The following ANO10 variants were observed in gnomAD, a reference collection of about 807,000 sequenced individuals.
ANO10 encodes the protein anoctamin 10, also known as anoctamin-10.
A neutral mutation model predicts 74.7 loss-of-function variants in ANO10; 77 were observed. That is an observed-to-expected ratio of 1.03 (90% CI 0.86 to 1.25). ANO10 has a LOEUF of 1.25. Ranked by LOEUF, ANO10 falls within the 50% of genes most tolerant of loss-of-function variation. The pLI, the probability that ANO10 is intolerant of heterozygous loss-of-function variation, is 0.00. For synonymous variants in ANO10, 279 were observed against 284.9 expected, an observed-to-expected ratio of 0.98 and a Z score of 0.21; for missense variants, 721 against 778.1, an observed-to-expected ratio of 0.93 and a Z score of 0.87.
intron 12 of ANO10, among the ~76,000 whole-genome samples, chr3:43,400,090 T>C (rs572270896): frequency 1.3e-5 from 2 of 152,352 alleles, no homozygotes; most frequent in South Asian, 4.1e-4. Flanking sequence ...CTGCTTTCTA[T>C]GTTACAAAAA....
At chr3:43,573,861 G>A (rs2080864384) in intron 7 of ANO10, among the ~76,000 whole-genome samples, 1 of 152,138 alleles carries the variant, frequency 6.6e-6, no homozygotes, top group Non-Finnish European at 1.5e-5. Context: ...TGTGGTGACA[G>A]GAAGGATTGC....
chr3:43,613,669 A>G (rs2082943870), intron 1 of ANO10, among the ~76,000 whole-genome samples: 1 of 152,196 alleles, frequency 6.6e-6, no homozygotes, highest in Non-Finnish European at 1.5e-5. Flanking sequence ...GAAATTTTTC[A>G]TAATAAAAAG....
At chr3:43,540,507 C>T (rs910807773) in intron 11 of ANO10, among the ~76,000 whole-genome samples, 9 of 152,204 alleles carry the variant, frequency 5.9e-5, no homozygotes, top group African/African-American at 2.2e-4. Flanking sequence ...TGAAGTCTTT[C>T]CAAAGGTTTT....
chr3:43,386,854 T>C (rs1467568523), intron 12 of ANO10, among the ~76,000 whole-genome samples: 1 of 151,700 alleles, frequency 6.6e-6, no homozygotes, highest in Non-Finnish European at 1.5e-5. Flanking sequence ...CGCCTATGAG[T>C]AAGGGTGGGG....
intron 11 of ANO10, among the ~76,000 whole-genome samples, chr3:43,446,770 G>A (rs2093252602): frequency 6.6e-6 from 1 of 151,994 alleles, no homozygotes; most frequent in African/African-American, 2.4e-5. Context: ...TAATTTTTAA[G>A]GTTTAACAAC....
At chr3:43,606,979 C>T (rs562028852) in intron 1 of ANO10, among the ~76,000 whole-genome samples, 33 of 152,204 alleles carry the variant, frequency 2.2e-4, no homozygotes, top group African/African-American at 5.1e-4. Flanking sequence ...GTTGATCTCA[C>T]GCACAAAATT....
chr3:43,682,874 TCAA>T (rs1175880064), intron 1 of ANO10, among the ~76,000 whole-genome samples: 19 of 152,130 alleles, frequency 1.2e-4, no homozygotes, highest in African/African-American at 4.6e-4. Flanking sequence ...TTGACAAAAT[TCAA>T]CAACACTTCA....
intron 12 of ANO10, among the ~76,000 whole-genome samples, chr3:43,383,817 T>C (rs2092040618): frequency 6.6e-6 from 1 of 152,172 alleles, no homozygotes; most frequent in Admixed American, 6.5e-5. Flanking sequence ...ACAGCCAACA[T>C]TTTACTGAAA....
At chr3:43,688,185 T>G (rs971457249) in intron 1 of ANO10, among the ~76,000 whole-genome samples, 1 of 152,312 alleles carries the variant, frequency 6.6e-6, no homozygotes, top group East Asian at 1.9e-4. Context: ...TTTTTGTGAC[T>G]GTGCAGCAGG....
intron 11 of ANO10, among the ~76,000 whole-genome samples, chr3:43,463,183 C>A (rs907027191): frequency 2.0e-5 from 3 of 152,162 alleles, no homozygotes; most frequent in African/African-American, 7.2e-5. Flanking sequence ...CTGAGAATGG[C>A]AGATCCACTG....
chr3:43,607,571 G>A (rs768478904), intron 1 of ANO10, among the ~76,000 whole-genome samples: 43 of 152,072 alleles, frequency 2.8e-4, no homozygotes, highest in Middle Eastern at 3.2e-3. Flanking sequence ...ATCTGAAAAG[G>A]CTACATTCTA....
chr3:43,410,114 C>T (rs138328332), intron 12 of ANO10, among the ~76,000 whole-genome samples: 81 of 152,080 alleles, frequency 5.3e-4, no homozygotes, highest in African/African-American at 1.8e-3. Context: ...TTACCTTTTT[C>T]TTCCCTTACG....
intron 12 of ANO10, among the ~76,000 whole-genome samples, chr3:43,404,426 C>T (rs1386236789): frequency 6.6e-6 from 1 of 152,294 alleles, no homozygotes; most frequent in Non-Finnish European, 1.5e-5. Context: ...TCTGATAAGA[C>T]CAAAGCCCCA....
intron 11 of ANO10, among the ~76,000 whole-genome samples, chr3:43,512,887 C>T (rs1017831959): frequency 2.0e-5 from 3 of 152,086 alleles, no homozygotes; most frequent in Non-Finnish European, 2.9e-5. Context: ...GCAGGGTGAG[C>T]CTACAGCTGC....
At chr3:43,485,543 C>CCCCA (rs967231373) in intron 11 of ANO10, 2 of 249,966 alleles carry the variant, frequency 8.0e-6, no homozygotes, top group African/African-American at 4.7e-5. Flanking sequence ...AGGCCAAGAA[C>CCCCA]CCCAGGTCAG....
At chr3:43,488,622 A>G (rs2076594629) in intron 11 of ANO10, among the ~76,000 whole-genome samples, 1 of 151,202 alleles carries the variant, frequency 6.6e-6, no homozygotes, top group South Asian at 2.1e-4. Flanking sequence ...ACAATGAGAT[A>G]CCATCTCACA....
At chr3:43,398,919 T>C (rs1389516349) in intron 12 of ANO10, among the ~76,000 whole-genome samples, 1 of 152,154 alleles carries the variant, frequency 6.6e-6, no homozygotes, top group Non-Finnish European at 1.5e-5. Context: ...ACCTCTGCCT[T>C]CTGGGCTGAT....
chr3:43,649,356 A>C (rs544018767), intron 1 of ANO10, among the ~76,000 whole-genome samples: 6 of 152,370 alleles, frequency 3.9e-5, no homozygotes, highest in Admixed American at 3.9e-4. Flanking sequence ...GTAGCCTTAA[A>C]AACATTAAAT....
chr3:43,479,378 T>C (rs2076185482), intron 11 of ANO10, among the ~76,000 whole-genome samples: 1 of 152,174 alleles, frequency 6.6e-6, no homozygotes, highest in Non-Finnish European at 1.5e-5. Context: ...AAAATAAATA[T>C]TAAACTTTGA....
Sources: allele counts gnomAD v4.1 joint callset (sites outside exome capture counted in the v4.1 genomes callset), GRCh38; gene constraint gnomAD v4.1.1; transcripts MANE v1.5; gene names NCBI Gene and HGNC (gene_info 2026-07-23, HGNC 2026-07-21).